Variants in MICAL3 observed in about 807,000 individuals in gnomAD.
MICAL3 encodes [F-actin]-monooxygenase MICAL3.
A neutral mutation model predicts 207.4 loss-of-function variants in MICAL3; 62 were observed. The ratio of observed to expected loss-of-function variants is 0.30; its 90% CI spans 0.24 to 0.37. The LOEUF (loss-of-function observed/expected upper bound fraction) is 0.37, where lower values mean the gene tolerates loss of function less well. Ranked by LOEUF, MICAL3 falls within the 10% of genes least tolerant of loss-of-function variation. The pLI is 1.00. For synonymous variants in MICAL3, 1,077 were observed against 1,069.3 expected, an observed-to-expected ratio of 1.01 and a Z score of -0.14; for missense variants, 2,368 against 2,635.6, an observed-to-expected ratio of 0.90 and a Z score of 2.22.
intron 1 of MICAL3, among the ~76,000 whole-genome samples, chr22:17,921,714 C>T (rs1480456712): frequency 2.0e-5 from 3 of 152,166 alleles, no homozygotes; most frequent in African/African-American, 7.2e-5. Context: ...GTCTCGAACT[C>T]TTGGCCTCAA....
Position 17,877,558 on chromosome 22 carries a change from T to TGGAGGTGAG in MICAL3, c.2242-5536_2242-5535insCTCACCTCC, listed in dbSNP as rs1440808974. 1.3e-3 allele frequency among the ~76,000 whole-genome samples: 94 copies of TGGAGGTGAG among 72,300 alleles called. 7 individuals carry two copies. The highest frequency in any genetic ancestry group is 8.2e-3 in the Middle Eastern group (1 of 122). 47.4% of individuals were successfully genotyped at this position (72,300 alleles called of 152,430 possible). ...GAGGTTATGGAGGTGAGGGAGGTTA[T>TGGAGGTGAG]GGAGGTTAGGGAGGTTAGGGAAGTT... On this transcript the variant is annotated intron_variant, in intron 16 of 31. Coordinates refer to ENST00000441493, the MANE Select transcript of MICAL3 (RefSeq NM_015241.3).
intron 23 of MICAL3, among the ~76,000 whole-genome samples, chr22:17,822,476 T>C (rs567245578): frequency 1.3e-5 from 2 of 152,362 alleles, no homozygotes; most frequent in East Asian, 3.9e-4. Context: ...GGTGTGCCTG[T>C]GGAGGGCAGG....
chr22:17,806,835 T>C (rs2061993976), intron 29 of MICAL3, among the ~76,000 whole-genome samples: 1 of 152,364 alleles, frequency 6.6e-6, no homozygotes, highest in South Asian at 2.1e-4. Context: ...ATCTAATGAC[T>C]AGAAGAAATA....
At chr22:18,001,035 C>T (rs1922930692) in intron 1 of MICAL3, 1 of 152,248 alleles carries the variant, frequency 6.6e-6, no homozygotes, top group Non-Finnish European at 1.5e-5. Context: ...AGCGGGCAGC[C>T]TCCCCGCGCT....
rs2145955684 is a variant in MICAL3 at position 17,796,186 on chromosome 22, T to C, written c.5651-4885A>G. 6.6e-6 allele frequency among the ~76,000 whole-genome samples: 1 copy of C among 152,350 alleles called. No individual in the cohort carries two copies. The highest frequency in any genetic ancestry group is 2.1e-4 in the South Asian group (1 of 4,828). On this transcript the variant is annotated intron_variant, in intron 29 of 31. Coordinates refer to ENST00000441493, the MANE Select transcript of MICAL3 (RefSeq NM_015241.3). The surrounding 1 kb of genome is among the most constrained non-coding windows in gnomAD (Gnocchi z 4.4). ...AGGACCCCTCCTCCCTGGAGCACTC[T>C]GCTGCGTCTCCAACACTCGGGGGCA...
At chr22:17,809,629 C>CAAACAAAACA (rs139352318) in intron 28 of MICAL3, among the ~76,000 whole-genome samples, 17 of 151,748 alleles carry the variant, frequency 1.1e-4, no homozygotes, top group Non-Finnish European at 2.2e-4. Context: ...GACTCCGTCT[C>CAAACAAAACA]AAACAAAACA....
At chr22:17,891,396 T>C (rs1414148802) in intron 12 of MICAL3, 89 bp downstream of exon 12, 1 of 1,258,538 alleles carries the variant, frequency 7.9e-7, no homozygotes, top group Non-Finnish European at 1.1e-6. Flanking sequence ...TACCTCATTC[T>C]AGGAAAAAGG....
intron 1 of MICAL3, among the ~76,000 whole-genome samples, chr22:17,958,997 C>A (rs1158487865): frequency 7.0e-6 from 1 of 143,680 alleles, no homozygotes; most frequent in African/African-American, 2.6e-5. Context: ...TAAGCCACTG[C>A]GCCGGGCCTG....
At chr22:17,971,823 G>A (rs1602320537) in intron 1 of MICAL3, among the ~76,000 whole-genome samples, 1 of 152,360 alleles carries the variant, frequency 6.6e-6, no homozygotes, top group South Asian at 2.1e-4. Context: ...GCCCGACCCG[G>A]GAGGGAGGAT....
intron 1 of MICAL3, among the ~76,000 whole-genome samples, chr22:18,013,016 C>T (rs150568698): frequency 1.1e-4 from 17 of 152,288 alleles, no homozygotes; most frequent in African/African-American, 4.1e-4. Context: ...AGGCACCTTG[C>T]TCTCCATCCA....
chr22:17,921,781 G>A (rs543326501), intron 1 of MICAL3, among the ~76,000 whole-genome samples: 1 of 152,128 alleles, frequency 6.6e-6, no homozygotes, highest in African/African-American at 2.4e-5. Flanking sequence ...GAGCCACCGC[G>A]CCCGGCTAGC....
In MICAL3 at chr22:17,871,971, T is replaced by A; in HGVS notation, c.2294A>T (p.Tyr765Phe). The A allele has an allele frequency of 6.2e-7, 1 of 1,611,196 alleles. No individual in the cohort carries two copies. Residue 765 changes from tyrosine to phenylalanine, a missense_variant, in exon 17 of 32, where the codon TAC becomes TTC. By Grantham distance (22) the Tyr-to-Phe change is conservative. This residue lies in a region of MICAL3 where 1,770 missense variants were observed against 1,863.2 expected (regional missense o/e 0.95). Coordinates refer to ENST00000441493, the MANE Select transcript of MICAL3 (RefSeq NM_015241.3). ...CACGTAGACCCGCTTCTGGCAGAAGTAGCATGTGTCGCTGCCTCCCAGGTT... is the reference window on the plus strand; with the variant it reads ...CACGTAGACCCGCTTCTGGCAGAAGAAGCATGTGTCGCTGCCTCCCAGGTT... ...PQNLGGSDTC[Y>F]FCQKRVYVME...
intron 21 of MICAL3, 96 bp from the exon 22 acceptor site, chr22:17,827,877 G>C (rs1398696334): frequency 7.6e-7 from 1 of 1,315,970 alleles, no homozygotes; most frequent in Non-Finnish European, 1.0e-6. Context: ...TACAGCATTG[G>C]CCAGGGTCAG....
intron 1 of MICAL3, among the ~76,000 whole-genome samples, chr22:17,964,828 G>T (rs561333597): frequency 2.0e-5 from 3 of 152,198 alleles, no homozygotes; most frequent in Non-Finnish European, 2.9e-5. Context: ...CAAAAACCCC[G>T]AATTGCTCAG....
In MICAL3 at chr22:17,889,175, C is replaced by A; in HGVS notation, c.1750G>T (p.Asp584Tyr). The A allele has an allele frequency of 6.2e-7, 1 of 1,613,918 alleles. No individual in the cohort carries two copies. The highest frequency in any genetic ancestry group is 1.3e-5 in the African/African-American group (1 of 75,054). Residue 584 changes from aspartate (D) to tyrosine (Y), a missense_variant, in exon 13 of 32, where the codon GAC becomes TAC. Physicochemically the swap from Asp to Tyr is radical, Grantham distance 160. Coordinates refer to ENST00000441493, the MANE Select transcript of MICAL3 (RefSeq NM_015241.3). ...NVEKNNQLAFDIAEKELGISP... is the reference protein window; with the variant it reads ...NVEKNNQLAFYIAEKELGISP... ...ATGCCCAATTCCTTCTCAGCAATGT[C>A]AAAGGCCAGTTGGTTATTCTTCTCC...
chr22:17,985,287 T>C (rs1309463080), intron 1 of MICAL3, among the ~76,000 whole-genome samples: 1 of 150,926 alleles, frequency 6.6e-6, no homozygotes, highest in Non-Finnish European at 1.5e-5. Flanking sequence ...CCCGATTCCC[T>C]GCCTCCCTGG....
chr22:17,863,405 GTC>G, intron 19 of MICAL3: 1 of 985,394 alleles, frequency 1.0e-6, no homozygotes, highest in African/African-American at 1.7e-5. Flanking sequence ...TAAAGCCAAA[GTC>G]TCTGTCTAGA....
intron 1 of MICAL3, among the ~76,000 whole-genome samples, chr22:17,991,571 G>A (rs772551827): frequency 1.8e-4 from 28 of 152,164 alleles, no homozygotes; most frequent in Non-Finnish European, 3.8e-4. Flanking sequence ...CTTGTCATAA[G>A]CAGCATGTAA....
chr22:18,018,691 C>T (rs989377389), intron 1 of MICAL3, among the ~76,000 whole-genome samples: 1 of 151,984 alleles, frequency 6.6e-6, no homozygotes, highest in African/African-American at 2.4e-5. Flanking sequence ...CACTGCACTC[C>T]AGCCTGGGTG....
Sources: allele counts gnomAD v4.1 joint callset (sites outside exome capture counted in the v4.1 genomes callset), GRCh38; gene constraint gnomAD v4.1.1; regional missense constraint gnomAD v4.1.1; non-coding constraint Gnocchi (gnomAD v3.1); transcripts MANE v1.5; gene names NCBI Gene and HGNC (gene_info 2026-07-23, HGNC 2026-07-21).